The following WDR25 variants were observed in gnomAD, a reference collection of about 807,000 sequenced individuals.
The protein encoded by WDR25 is WD repeat domain 25.
WDR25 carries 35 observed loss-of-function variants against 47.7 expected under a neutral mutation model. That is an observed-to-expected ratio of 0.73 (90% CI 0.56 to 0.97). The LOEUF (loss-of-function observed/expected upper bound fraction) is 0.97, where lower values mean the gene tolerates loss of function less well. Among genes scored for constraint, WDR25 ranks in the 50% least tolerant of loss-of-function variants. The pLI is 0.00. For synonymous variants in WDR25, 248 were observed against 278.9 expected (o/e 0.89, Z 1.10); for missense variants, 634 against 704.7 (o/e 0.90, Z 1.14).
At chr14:100,414,003 T>G (rs1897792920) in intron 2 of WDR25, among the ~76,000 whole-genome samples, 1 of 152,070 alleles carries the variant, frequency 6.6e-6, no homozygotes, top group South Asian at 2.1e-4. Flanking sequence ...AGTTCATTTT[T>G]TTTTTTTTTT....
chr14:100,476,800 C>A (rs966054033), intron 3 of WDR25, among the ~76,000 whole-genome samples: 6 of 152,174 alleles, frequency 3.9e-5, no homozygotes, highest in Non-Finnish European at 8.8e-5. Context: ...TGTTGTTCCC[C>A]TTCCTTGACT....
At position 100,520,726 on chromosome 14, in the gene WDR25, G is replaced by A. The variant is rs181663469; in HGVS notation, c.1102-5144G>A. ...TCACAGCTCCATCCTAGGGACTCTA[G>A]CTCTGGCTGGCTGGGGAGGAGAAGG... is the stretch of plus-strand genomic sequence containing the variant. On this transcript the variant is annotated intron_variant, in intron 4 of 6. Transcript: ENST00000402312. 8.9e-4 allele frequency among the ~76,000 whole-genome samples: 135 copies of A among 152,288 alleles called. 1 individual carries two copies. Among genetic ancestry groups the A allele is most frequent in the Non-Finnish European group, 1.5e-3 (101 of 68,020 alleles).
At chr14:100,448,274 C>T (rs1164309320) in intron 2 of WDR25, among the ~76,000 whole-genome samples, 1 of 151,590 alleles carries the variant, frequency 6.6e-6, no homozygotes, top group African/African-American at 2.4e-5. Flanking sequence ...ATTGTACATT[C>T]AGTAGGATCT....
intron 2 of WDR25, among the ~76,000 whole-genome samples, chr14:100,391,704 A>C (rs1897149749): frequency 6.6e-6 from 1 of 151,810 alleles, no homozygotes; most frequent in Admixed American, 6.6e-5. Flanking sequence ...CATCTAATTT[A>C]AACCCTTCTT....
At chr14:100,481,102 GCAAAAAAA>G (rs1900182968) in intron 3 of WDR25, 1 of 24,266 alleles carries the variant, frequency 4.1e-5, no homozygotes, top group Non-Finnish European at 7.3e-5. Flanking sequence ...ACAAAAAAGT[GCAAAAAAA>G]AAAAAAAAAA....
In WDR25 at chr14:100,474,131, C is replaced by T. The variant is rs114162275; in HGVS notation, c.970+5963C>T. ...GTTAGCAGCCGCCTACTTTCTTGCC[C>T]ACTTGTGAGTGGGTCTATTTTCCAA... is the stretch of plus-strand genomic sequence containing the variant. On this transcript the variant is annotated intron_variant, in intron 3 of 6. Transcript: ENST00000402312. Among the ~76,000 whole-genome samples the T allele has an allele frequency of 8.6e-3, 1,303 of 152,284 alleles. 20 individuals carry two copies. The highest frequency in any genetic ancestry group is 0.03 in the African/African-American group (1,245 of 41,542).
At chr14:100,457,663 T>C (rs1899248704) in intron 2 of WDR25, among the ~76,000 whole-genome samples, 1 of 152,122 alleles carries the variant, frequency 6.6e-6, no homozygotes, top group Non-Finnish European at 1.5e-5. Flanking sequence ...TGTGGGAAAA[T>C]GTAAGATGTT....
At chr14:100,443,462 A>C (rs1595093272) in intron 2 of WDR25, among the ~76,000 whole-genome samples, 1 of 150,470 alleles carries the variant, frequency 6.6e-6, no homozygotes, top group Non-Finnish European at 1.5e-5. Flanking sequence ...GGTGGGGGGC[A>C]GGGCCCTCCA....
intron 4 of WDR25, among the ~76,000 whole-genome samples, chr14:100,491,153 C>T (rs1052365936): frequency 2.0e-5 from 3 of 152,210 alleles, no homozygotes; most frequent in Non-Finnish European, 2.9e-5. Context: ...ACGCTGTGTG[C>T]GCCATGGCTC....
At chr14:100,451,550 T>C (rs1899033580) in intron 2 of WDR25, among the ~76,000 whole-genome samples, 1 of 152,158 alleles carries the variant, frequency 6.6e-6, no homozygotes, top group Non-Finnish European at 1.5e-5. Flanking sequence ...GTTAGACTTA[T>C]AGGATCTGTG....
chr14:100,387,743 G>C (rs1012786802), intron 2 of WDR25, among the ~76,000 whole-genome samples: 2 of 152,250 alleles, frequency 1.3e-5, no homozygotes, highest in African/African-American at 4.8e-5. Context: ...TGAGCAGAAA[G>C]AGCTACCACC....
intron 4 of WDR25, among the ~76,000 whole-genome samples, chr14:100,524,346 G>A (rs1207182169): frequency 6.6e-6 from 1 of 152,104 alleles, no homozygotes; most frequent in Non-Finnish European, 1.5e-5. Context: ...GAGTGGCAGG[G>A]AGGGCCGTCA....
intron 2 of WDR25, among the ~76,000 whole-genome samples, chr14:100,435,168 A>G (rs1234109788): frequency 6.6e-6 from 1 of 152,220 alleles, no homozygotes; most frequent in Non-Finnish European, 1.5e-5. Flanking sequence ...CGTCACACAG[A>G]TGTGAGCTGG....
At chr14:100,439,768 T>C (rs913627339) in intron 2 of WDR25, among the ~76,000 whole-genome samples, 14 of 152,248 alleles carry the variant, frequency 9.2e-5, no homozygotes, top group African/African-American at 2.7e-4. Flanking sequence ...GAAACAGTTA[T>C]ATATTTTTCA....
intron 3 of WDR25, 143 bp from the exon 4 acceptor site, chr14:100,483,851 T>G: frequency 9.9e-7 from 1 of 1,008,388 alleles, no homozygotes; most frequent in Non-Finnish European, 1.4e-6. Flanking sequence ...CTGTCATATT[T>G]CCAAAAAGTG....
intron 2 of WDR25, among the ~76,000 whole-genome samples, chr14:100,460,942 A>C (rs1288668764): frequency 6.6e-6 from 1 of 152,220 alleles, no homozygotes; most frequent in Non-Finnish European, 1.5e-5. Flanking sequence ...CAGGCTGCGC[A>C]CAGTGGCTCA....
At chr14:100,414,468 A>C (rs1188742169) in intron 2 of WDR25, among the ~76,000 whole-genome samples, 1 of 151,016 alleles carries the variant, frequency 6.6e-6, no homozygotes, top group Admixed American at 6.6e-5. Context: ...GTATGCCACC[A>C]TGCCCGGCTA....
chr14:100,432,502 C>T (rs1427563341), intron 2 of WDR25, among the ~76,000 whole-genome samples: 4 of 152,234 alleles, frequency 2.6e-5, no homozygotes, highest in Non-Finnish European at 5.9e-5. Context: ...GATGTAATTT[C>T]AGGCTTACGG....
chr14:100,435,665 G>GTTCA (rs10681858), intron 2 of WDR25, among the ~76,000 whole-genome samples: 9,618 of 152,014 alleles, frequency 0.063, 750 homozygotes, highest in African/African-American at 0.19. Context: ...TCAATCATTC[G>GTTCA]TTCATTCATT....
Sources: gnomAD v4.1 joint callset for allele counts (sites outside exome capture counted in the v4.1 genomes callset) on GRCh38, gnomAD v4.1.1 for gene constraint, MANE v1.5 for transcripts, NCBI Gene and HGNC (gene_info 2026-07-23, HGNC 2026-07-21) for gene names.